Variants in SPMAP2L observed in about 807,000 individuals in gnomAD.
The protein encoded by SPMAP2L is sperm microtubule associated protein 2 like.
At chr4:56,555,919 A>G in the SPMAP2L span, among the ~76,000 whole-genome samples, 1 of 152,204 alleles carries the variant, frequency 6.6e-6, no homozygotes, top group African/African-American at 2.4e-5. Flanking sequence ...ACACATATTT[A>G]TTGAGTAGAG....
chr4:56,604,324 T>C, the SPMAP2L span, among the ~76,000 whole-genome samples: 2 of 152,224 alleles, frequency 1.3e-5, no homozygotes, highest in African/African-American at 4.8e-5. Context: ...TGATAAAATG[T>C]ATATAATAAA....
the SPMAP2L span, among the ~76,000 whole-genome samples, chr4:56,592,059 AG>A: frequency 2.6e-5 from 4 of 152,198 alleles, no homozygotes; most frequent in South Asian, 8.3e-4. Context: ...GGTGAGCAGG[AG>A]GGTGAGTGAC....
the SPMAP2L span, among the ~76,000 whole-genome samples, chr4:56,564,928 A>T: frequency 6.6e-6 from 1 of 152,088 alleles, no homozygotes. Context: ...TGAGCCATGG[A>T]TATTAGATGT....
the SPMAP2L span, among the ~76,000 whole-genome samples, chr4:56,623,929 T>C: frequency 6.6e-6 from 1 of 152,102 alleles, no homozygotes; most frequent in Admixed American, 6.6e-5. Context: ...TACCCAAAAA[T>C]GTGGAAGAAA....
the SPMAP2L span, among the ~76,000 whole-genome samples, chr4:56,536,850 G>A: frequency 9.9e-5 from 15 of 152,090 alleles, no homozygotes; most frequent in East Asian, 2.7e-3. Flanking sequence ...TGCAAAGTCC[G>A]CCTCCTGGGT....
At chr4:56,556,138 T>G in the SPMAP2L span, among the ~76,000 whole-genome samples, 1 of 152,192 alleles carries the variant, frequency 6.6e-6, no homozygotes, top group East Asian at 1.9e-4. Context: ...TTCCATTATA[T>G]CACCCTGTCT....
chr4:56,575,066 C>T, the SPMAP2L span, among the ~76,000 whole-genome samples: 14 of 148,282 alleles, frequency 9.4e-5, no homozygotes, highest in Admixed American at 3.4e-4. Flanking sequence ...CTGGTTAACA[C>T]GGTGAAACCC....
At chr4:56,532,712 C>T in the SPMAP2L span, among the ~76,000 whole-genome samples, 49 of 152,326 alleles carry the variant, frequency 3.2e-4, no homozygotes, top group Non-Finnish European at 5.9e-4. Flanking sequence ...TCTCCCAAAA[C>T]TGCTCTAGTT....
the SPMAP2L span, chr4:56,594,300 T>A: frequency 6.5e-7 from 1 of 1,542,908 alleles, no homozygotes; most frequent in Non-Finnish European, 9.0e-7. Context: ...GACATTTCCC[T>A]TGTTCACAGC....
At chr4:56,576,664 C>T in the SPMAP2L span, among the ~76,000 whole-genome samples, 10 of 152,244 alleles carry the variant, frequency 6.6e-5, no homozygotes, top group South Asian at 4.2e-4. Flanking sequence ...TAGAATACTG[C>T]GAAAGAAGGC....
At chr4:56,537,044 A>G in the SPMAP2L span, among the ~76,000 whole-genome samples, 1 of 152,138 alleles carries the variant, frequency 6.6e-6, no homozygotes. Context: ...GATTACAGGC[A>G]TGAGCCACCA....
chr4:56,604,474 A>G, the SPMAP2L span, among the ~76,000 whole-genome samples: 1 of 152,156 alleles, frequency 6.6e-6, no homozygotes, highest in African/African-American at 2.4e-5. Flanking sequence ...CCTGACCAAC[A>G]TGGTGAAACC....
the SPMAP2L span, among the ~76,000 whole-genome samples, chr4:56,586,902 G>A: frequency 6.8e-6 from 1 of 147,620 alleles, no homozygotes. Context: ...AGAATTTATA[G>A]GCACTTAAAA....
At chr4:56,559,135 T>C in the SPMAP2L span, among the ~76,000 whole-genome samples, 1 of 151,760 alleles carries the variant, frequency 6.6e-6, no homozygotes, top group Admixed American at 6.6e-5. Flanking sequence ...GGTTTCACCA[T>C]GTTGGCCAAG....
chr4:56,620,449 C>T, the SPMAP2L span, among the ~76,000 whole-genome samples: 16 of 150,726 alleles, frequency 1.1e-4, no homozygotes, highest in African/African-American at 1.7e-4. Context: ...TGCAACAGCG[C>T]GATCTCAGCT....
chr4:56,552,515 A>G, the SPMAP2L span: 2 of 1,184,858 alleles, frequency 1.7e-6, no homozygotes, highest in Non-Finnish European at 2.4e-6. Flanking sequence ...TTTCTTAAGC[A>G]TTCTCTTTGA....
chr4:56,540,076 C>T, the SPMAP2L span, among the ~76,000 whole-genome samples: 40 of 152,188 alleles, frequency 2.6e-4, no homozygotes, highest in African/African-American at 7.7e-4. Flanking sequence ...AGTTACTGAG[C>T]TCATATTAAT....
the SPMAP2L span, chr4:56,592,969 C>T: frequency 2.5e-6 from 4 of 1,604,418 alleles, no homozygotes. Flanking sequence ...TGAAAAGACC[C>T]TTGAAAATGG....
the SPMAP2L span, among the ~76,000 whole-genome samples, chr4:56,542,040 A>G: frequency 6.6e-6 from 1 of 152,206 alleles, no homozygotes; most frequent in East Asian, 1.9e-4. Context: ...TTAGGACTTA[A>G]ACAAGAGCCT....
Sources: gnomAD v4.1 joint callset for allele counts (sites outside exome capture counted in the v4.1 genomes callset) on GRCh38, gnomAD v4.1.1 for gene constraint, MANE v1.5 for transcripts, NCBI Gene and HGNC (gene_info 2026-07-23, HGNC 2026-07-21) for gene names.